KLF8: variants seen among roughly 807,000 people sequenced by gnomAD.
The protein encoded by KLF8 is KLF transcription factor 8, also known as Krueppel-like factor 8.
KLF8 carries 10 observed loss-of-function variants against 18.2 expected under a neutral mutation model. The ratio of observed to expected loss-of-function variants is 0.55; its 90% confidence interval spans 0.34 to 0.93. KLF8 has a LOEUF of 0.93. Ranked by LOEUF, KLF8 falls within the 40% of genes least tolerant of loss-of-function variation. The pLI, the probability that KLF8 is intolerant of heterozygous loss-of-function variation, is 0.02. For synonymous variants in KLF8, 109 were observed against 97.3 expected (o/e 1.12, Z -0.71); for missense variants, 264 against 277.9 (o/e 0.95, Z 0.36).
the KLF8 span, among the ~76,000 whole-genome samples, chrX:56,049,048 C>G: frequency 9.0e-6 from 1 of 111,591 alleles, no homozygotes; most frequent in East Asian, 2.8e-4. Context: ...GGAGTTCACT[C>G]ATGATTTGGC....
the KLF8 span, among the ~76,000 whole-genome samples, chrX:56,198,400 G>C: frequency 4.7e-3 from 522 of 111,907 alleles, 1 homozygote; most frequent in African/African-American, 0.016. Flanking sequence ...TCTCAGGATA[G>C]AAAATCAATG....
chrX:56,095,370 A>G, the KLF8 span, among the ~76,000 whole-genome samples: 1,393 of 112,877 alleles, frequency 0.012, 10 homozygotes, highest in African/African-American at 0.042. Context: ...TAAGAACACT[A>G]GAAGAAAACT....
chrX:56,233,969 TG>T (rs1449266105), intron 1 of KLF8, among the ~76,000 whole-genome samples: 1 of 111,378 alleles, frequency 9.0e-6, no homozygotes, highest in Non-Finnish European at 1.9e-5. Flanking sequence ...CCAAGGCAGT[TG>T]GTTCGTCTGT....
At chrX:56,084,820 A>AG in the KLF8 span, among the ~76,000 whole-genome samples, 1 of 112,190 alleles carries the variant, frequency 8.9e-6, no homozygotes, top group Non-Finnish European at 1.9e-5. Flanking sequence ...AAGGAAAAAA[A>AG]GTGTTTAACA....
chrX:55,914,972 T>A, the KLF8 span, among the ~76,000 whole-genome samples: 4 of 110,830 alleles, frequency 3.6e-5, no homozygotes, highest in Non-Finnish European at 7.6e-5. Context: ...ATTAGAGGGA[T>A]TTTTTTCACT....
At chrX:55,991,215 T>C in the KLF8 span, among the ~76,000 whole-genome samples, 1 of 112,073 alleles carries the variant, frequency 8.9e-6, no homozygotes, top group African/African-American at 3.2e-5. Context: ...GCAGGCGCCC[T>C]TCCCCAGCCT....
In KLF8 at chrX:56,284,302, TCCC is replaced by T; in HGVS notation, c.899-10_899-8del. The stretch of plus-strand genomic sequence containing the variant: ...TCTGATTCTCTTTTTTTTGTCACAT[TCCC>T]TTTTTAGGAGAGAAGCCTTATAAAT... On this transcript the variant is annotated splice_polypyrimidine_tract_variant and splice_region_variant and intron_variant, in intron 5 of 5. Coordinates refer to ENST00000468660, the MANE Select transcript of KLF8 (RefSeq NM_007250.5). The T allele has an allele frequency of 9.0e-7, 1 of 1,110,944 alleles. No individual in the cohort carries two copies. Among genetic ancestry groups the T allele is most frequent in the South Asian group, 2.3e-5 (1 of 43,013 alleles). 91.6% of individuals were successfully genotyped at this position (1,110,944 alleles called of 1,213,427 possible).
the KLF8 span, among the ~76,000 whole-genome samples, chrX:56,142,306 G>C: frequency 9.0e-6 from 1 of 111,368 alleles, no homozygotes; most frequent in Non-Finnish European, 1.9e-5. Context: ...TGTAGCAAAA[G>C]ATAGTTTTAG....
At chrX:56,284,046 A>AAAAGAT (rs1199686338) in intron 5 of KLF8, among the ~76,000 whole-genome samples, 1 of 112,211 alleles carries the variant, frequency 8.9e-6, no homozygotes, top group East Asian at 2.8e-4. Context: ...TTACCACAAA[A>AAAAGAT]AAAGATAAGT....
At position 56,270,326 on chromosome X, in the gene KLF8, G is replaced by A; in HGVS notation, c.898+5G>A. The A allele has an allele frequency of 8.6e-7, 1 of 1,163,871 alleles. No individual in the cohort carries two copies. The highest frequency in any genetic ancestry group is 1.1e-6 in the Non-Finnish European group (1 of 872,118). Reference sequence around the variant, plus strand: ...CTCACCGCAGAATCCATACAGGTCTGCCCACTCCCATCTCACCCCCAACAC... The same window carrying A: ...CTCACCGCAGAATCCATACAGGTCTACCCACTCCCATCTCACCCCCAACAC... On this transcript the variant is annotated splice_donor_5th_base_variant and intron_variant, in intron 5 of 5. Transcript: ENST00000468660.
At chrX:56,128,970 A>C in the KLF8 span, among the ~76,000 whole-genome samples, 1 of 111,658 alleles carries the variant, frequency 9.0e-6, no homozygotes, top group African/African-American at 3.3e-5. Context: ...AATCAGGGAG[A>C]GAGAGAGAAA....
At chrX:56,028,027 A>G in the KLF8 span, among the ~76,000 whole-genome samples, 1 of 112,204 alleles carries the variant, frequency 8.9e-6, no homozygotes, top group Non-Finnish European at 1.9e-5. Flanking sequence ...ACTGTCAGAC[A>G]TGGAGGCCAG....
chrX:56,185,045 A>T, the KLF8 span, among the ~76,000 whole-genome samples: 4 of 112,867 alleles, frequency 3.5e-5, no homozygotes, highest in African/African-American at 1.3e-4. Flanking sequence ...ACGAGGTCAG[A>T]GAAGAAGGCT....
At chrX:56,138,921 A>G in the KLF8 span, among the ~76,000 whole-genome samples, 1 of 111,286 alleles carries the variant, frequency 9.0e-6, no homozygotes, top group Admixed American at 9.6e-5. Context: ...AGAAAAGCCC[A>G]TAGTCTCAGC....
At chrX:55,935,123 C>T in the KLF8 span, among the ~76,000 whole-genome samples, 4 of 112,446 alleles carry the variant, frequency 3.6e-5, no homozygotes, top group African/African-American at 9.7e-5. Flanking sequence ...GTTAGCAATG[C>T]TGTTAATTAC....
chrX:56,008,439 C>T, the KLF8 span, among the ~76,000 whole-genome samples: 1 of 111,553 alleles, frequency 9.0e-6, no homozygotes, highest in Non-Finnish European at 1.9e-5. Flanking sequence ...AGGGGAACTC[C>T]CACCCGCAAC....
chrX:56,106,207 T>C, the KLF8 span, among the ~76,000 whole-genome samples: 3 of 111,417 alleles, frequency 2.7e-5, no homozygotes, highest in Admixed American at 2.9e-4. Context: ...GGGATCCTCT[T>C]CTCAAGGAGT....
the KLF8 span, among the ~76,000 whole-genome samples, chrX:55,939,964 A>G: frequency 1.8e-5 from 2 of 111,923 alleles, no homozygotes; most frequent in African/African-American, 6.5e-5. Flanking sequence ...GGAGCTAGTA[A>G]CATTCCTTCT....
chrX:56,130,600 C>T, the KLF8 span, among the ~76,000 whole-genome samples: 2 of 111,132 alleles, frequency 1.8e-5, no homozygotes, highest in Non-Finnish European at 3.8e-5. Context: ...GGTTCTTTAA[C>T]ACCCCCCTAC....
Sources: gnomAD v4.1 joint callset for allele counts (sites outside exome capture counted in the v4.1 genomes callset) on GRCh38, gnomAD v4.1.1 for gene constraint, MANE v1.5 for transcripts, NCBI Gene and HGNC (gene_info 2026-07-23, HGNC 2026-07-21) for gene names.